The following DSCAM variants were observed in gnomAD, a reference collection of about 807,000 sequenced individuals.
DSCAM encodes the protein cell adhesion molecule DSCAM.
In DSCAM, 47 loss-of-function variants were observed where a neutral mutation model predicts 217.7. The observed-to-expected ratio is 0.22, with a 90% confidence interval of 0.17 to 0.28. The LOEUF is 0.28. Among genes scored for constraint, DSCAM ranks in the 10% least tolerant of loss-of-function variants. The probability of loss-of-function intolerance (pLI) is 1.00; values close to 1 mark genes in which losing one functional copy is unlikely to be tolerated. For missense variants in DSCAM, 2,080 were observed against 2,618.3 expected (o/e 0.79, Z 4.49); for synonymous variants, 1,056 against 1,015.3 (o/e 1.04, Z -0.76).
intron 13 of DSCAM, 115 bp from the exon 14 acceptor site, chr21:40,187,374 A>G (rs1278455570): frequency 1.9e-5 from 26 of 1,334,474 alleles, no homozygotes; most frequent in Non-Finnish European, 2.3e-5. Context: ...ACAAGAACAG[A>G]AGCTTTTTAT....
intron 1 of DSCAM, among the ~76,000 whole-genome samples, chr21:40,744,777 G>C (rs2091158184): frequency 6.6e-6 from 1 of 152,038 alleles, no homozygotes. Flanking sequence ...AGGGAAATAT[G>C]ATGCCACCAA....
intron 1 of DSCAM, among the ~76,000 whole-genome samples, chr21:40,757,377 C>T (rs2091287162): frequency 6.6e-6 from 1 of 152,194 alleles, no homozygotes; most frequent in African/African-American, 2.4e-5. Context: ...TGTCACTCAG[C>T]TTCTATGGTA....
At chr21:40,550,524 C>A (rs1234462673) in intron 3 of DSCAM, among the ~76,000 whole-genome samples, 3 of 151,580 alleles carry the variant, frequency 2.0e-5, no homozygotes, top group African/African-American at 4.8e-5. Flanking sequence ...GAATCCATCT[C>A]AAAAAAAAAT....
At chr21:40,618,030 T>C (rs2089428270) in intron 3 of DSCAM, among the ~76,000 whole-genome samples, 1 of 152,214 alleles carries the variant, frequency 6.6e-6, no homozygotes. Flanking sequence ...AATTGTCAGG[T>C]CTGCTTTCTA....
intron 2 of DSCAM, among the ~76,000 whole-genome samples, chr21:40,703,773 T>A (rs2090682660): frequency 6.6e-6 from 1 of 152,208 alleles, no homozygotes; most frequent in Non-Finnish European, 1.5e-5. Flanking sequence ...TTTCAACAAA[T>A]TTGGAAAATT....
intron 3 of DSCAM, among the ~76,000 whole-genome samples, chr21:40,398,052 G>T (rs918692826): frequency 6.6e-6 from 1 of 152,150 alleles, no homozygotes; most frequent in African/African-American, 2.4e-5. Flanking sequence ...TAGTTTAGGA[G>T]GCTGTGCTGC....
In DSCAM at chr21:40,011,485, T is replaced by C. The variant is rs4818107; in HGVS notation, c.*1549A>G. 109,570 of 152,102 alleles carry C rather than the reference T, an allele frequency of 0.72. 40,135 individuals carry two copies. The highest frequency in any genetic ancestry group is 0.86 in the East Asian group (4,448 of 5,162). The allele number at this position is 152,102 out of a possible 1,614,324, so 9.4% of individuals were successfully genotyped here. ...TCTTCAGCCTGGGAGACTGAGCAGC[T>C]GTGGATATTTGATCATGTTTTCTGG... is the stretch of plus-strand genomic sequence containing the variant. On this transcript the variant is annotated 3_prime_UTR_variant, in exon 33 of 33. Transcript: ENST00000400454.
chr21:40,688,697 G>A (rs1351453877), intron 3 of DSCAM, among the ~76,000 whole-genome samples: 3 of 152,096 alleles, frequency 2.0e-5, no homozygotes, highest in East Asian at 1.9e-4. Flanking sequence ...GCACATTTAC[G>A]ACCCCACCCC....
chr21:40,562,248 A>C (rs1306797407), intron 3 of DSCAM, among the ~76,000 whole-genome samples: 1 of 152,130 alleles, frequency 6.6e-6, no homozygotes, highest in Non-Finnish European at 1.5e-5. Flanking sequence ...CATGATAGTG[A>C]GTGAATTCTC....
chr21:40,156,217 C>G (rs1042741800), intron 16 of DSCAM, among the ~76,000 whole-genome samples: 1 of 148,176 alleles, frequency 6.7e-6, no homozygotes, highest in South Asian at 2.2e-4. Context: ...TGACCCTGGG[C>G]TGGAAGGGAC....
chr21:40,643,957 C>G (rs1001071131), intron 3 of DSCAM, among the ~76,000 whole-genome samples: 1 of 152,212 alleles, frequency 6.6e-6, no homozygotes, highest in Non-Finnish European at 1.5e-5. Context: ...CTAATCCATG[C>G]TTCATTCCAT....
intron 1 of DSCAM, among the ~76,000 whole-genome samples, chr21:40,750,562 TC>T (rs2146560787): frequency 6.6e-6 from 1 of 152,264 alleles, no homozygotes; most frequent in African/African-American, 2.4e-5. Flanking sequence ...TAGTATCATC[TC>T]CAGGCTGGCA....
At chr21:40,078,493 A>G (rs1371140243) in intron 26 of DSCAM, among the ~76,000 whole-genome samples, 194 bp downstream of exon 26, 1 of 152,156 alleles carries the variant, frequency 6.6e-6, no homozygotes, top group Non-Finnish European at 1.5e-5. Flanking sequence ...TTATTTCTGG[A>G]CACACAGTGA....
At chr21:40,272,154 T>C (rs553351457) in intron 11 of DSCAM, among the ~76,000 whole-genome samples, 2 of 152,132 alleles carry the variant, frequency 1.3e-5, no homozygotes, top group East Asian at 1.9e-4. Context: ...ATAAGTGGCA[T>C]AGCTTCTGTA....
intron 3 of DSCAM, among the ~76,000 whole-genome samples, chr21:40,640,448 AAG>A (rs1473368247): frequency 6.6e-6 from 1 of 152,202 alleles, no homozygotes; most frequent in Non-Finnish European, 1.5e-5. Flanking sequence ...AAACGAGGGG[AAG>A]AGACGGAGGA....
intron 11 of DSCAM, among the ~76,000 whole-genome samples, chr21:40,227,668 T>C (rs2091345471): frequency 6.6e-6 from 1 of 152,178 alleles, no homozygotes; most frequent in Admixed American, 6.5e-5. Flanking sequence ...CTCTTCTATT[T>C]GGTTTTTCAA....
At chr21:40,269,685 C>A (rs58179389) in intron 11 of DSCAM, among the ~76,000 whole-genome samples, 6,063 of 152,190 alleles carry the variant, frequency 0.04, 427 homozygotes, top group African/African-American at 0.14. Flanking sequence ...CCTTGCCTTG[C>A]CCAGTGTCTC....
intron 3 of DSCAM, among the ~76,000 whole-genome samples, chr21:40,518,133 T>A (rs555349112): frequency 1.3e-5 from 2 of 150,604 alleles, no homozygotes; most frequent in African/African-American, 4.9e-5. Context: ...CGATACTGAG[T>A]ATTCCTAAAC....
rs2090914606 is a variant in DSCAM at position 40,188,079 on chromosome 21, T to C, written c.2554-92A>G. 9 of 896,966 alleles carry C rather than the reference T, an allele frequency of 1.0e-5. No individual in the cohort carries two copies. In the South Asian group the frequency reaches 1.2e-4, roughly 12 times the overall value. The allele number at this position is 896,966 out of a possible 1,614,324, so 55.6% of individuals were successfully genotyped here. On this transcript the variant is annotated intron_variant, in intron 12 of 32. Transcript: ENST00000400454. ...TCTCTCTCCACTCTTTCAGTTCTCC[T>C]GCCATGCCAAGCACACACATAGGTA...
Sources: allele counts gnomAD v4.1 joint callset (sites outside exome capture counted in the v4.1 genomes callset), GRCh38; gene constraint gnomAD v4.1.1; transcripts MANE v1.5; gene names NCBI Gene and HGNC (gene_info 2026-07-23, HGNC 2026-07-21).